The following MRPS27 variants were observed in gnomAD, a reference collection of about 807,000 sequenced individuals.
The protein encoded by MRPS27 is small ribosomal subunit protein mS27.
In MRPS27, 43 loss-of-function variants were observed where a neutral mutation model predicts 48.9. The observed-to-expected ratio is 0.88, with a 90% confidence interval of 0.69 to 1.13. The LOEUF (loss-of-function observed/expected upper bound fraction) is 1.13. Among genes scored for constraint, MRPS27 ranks in the 50% most tolerant of loss-of-function variants. The pLI is 0.00. For synonymous variants in MRPS27, 188 were observed against 171.9 expected, an observed-to-expected ratio of 1.09 and a Z score of -0.73; for missense variants, 467 against 476.3, an observed-to-expected ratio of 0.98 and a Z score of 0.18.
chr5:72,264,640 G>A (rs1490160932), intron 4 of MRPS27, among the ~76,000 whole-genome samples: 1 of 152,192 alleles, frequency 6.6e-6, no homozygotes, highest in African/African-American at 2.4e-5. Context: ...CACACAGAGG[G>A]AGAGTGCCAT....
At chr5:72,247,930 T>C (rs1305988409) in intron 4 of MRPS27, among the ~76,000 whole-genome samples, 5 of 152,200 alleles carry the variant, frequency 3.3e-5, no homozygotes, top group Non-Finnish European at 7.4e-5. Context: ...ATTTGTAGTT[T>C]AAAAAGGAAA....
At chr5:72,290,179 C>T (rs899134555) in intron 4 of MRPS27, among the ~76,000 whole-genome samples, 2 of 152,166 alleles carry the variant, frequency 1.3e-5, no homozygotes, top group African/African-American at 4.8e-5. Flanking sequence ...GGGCAGTATA[C>T]ATTGGGCATG....
intron 4 of MRPS27, among the ~76,000 whole-genome samples, chr5:72,275,371 A>G (rs547657831): frequency 6.6e-6 from 1 of 152,346 alleles, no homozygotes; most frequent in South Asian, 2.1e-4. Context: ...TGCTCAAGGA[A>G]GTAAGAGAGG....
chr5:72,297,561 T>A lies in MRPS27; in HGVS notation c.222+71A>T, dbSNP rs1750012557. ...CAAACTATTTTTTATTTACACAGCC[T>A]CATCTACATGAAGGGCCTTTCTGGC... is the stretch of plus-strand genomic sequence containing the variant. On this transcript the variant is annotated intron_variant, in intron 3 of 10. Transcript: ENST00000261413. The A allele has an allele frequency of 5.5e-6, 5 of 903,870 alleles. No individual in the cohort carries two copies. In the South Asian group the frequency reaches 7.7e-5, roughly 14 times the overall value. The allele number at this position is 903,870 out of a possible 1,614,324, so 56.0% of individuals were successfully genotyped here.
chr5:72,223,878 CA>C (rs749311608), intron 9 of MRPS27, 28 bp from the exon 10 acceptor site: 3 of 1,605,316 alleles, frequency 1.9e-6, no homozygotes, highest in South Asian at 1.1e-5. Flanking sequence ...GGTCAGCAAC[CA>C]AATGTTTTAT....
intron 4 of MRPS27, among the ~76,000 whole-genome samples, chr5:72,267,005 T>C (rs1194178671): frequency 6.6e-6 from 1 of 152,232 alleles, no homozygotes; most frequent in Non-Finnish European, 1.5e-5. Flanking sequence ...GATGGCTATC[T>C]ACAGAGCAGT....
intron 10 of MRPS27, among the ~76,000 whole-genome samples, chr5:72,221,829 T>G (rs1490368894): frequency 3.3e-5 from 5 of 152,022 alleles, no homozygotes; most frequent in Non-Finnish European, 7.4e-5. Flanking sequence ...AGGTCAGTCT[T>G]TATGTATTGC....
intron 4 of MRPS27, chr5:72,294,723 A>G (rs1749931829): frequency 6.6e-6 from 1 of 152,144 alleles, no homozygotes; most frequent in Non-Finnish European, 1.5e-5. Context: ...GGTAATGTAG[A>G]AAAGGTTTTA....
intron 4 of MRPS27, among the ~76,000 whole-genome samples, chr5:72,290,288 A>G (rs1229458570): frequency 6.6e-6 from 1 of 152,198 alleles, no homozygotes; most frequent in African/African-American, 2.4e-5. Flanking sequence ...TTCCCATTGT[A>G]TAAAACTCTA....
At chr5:72,240,364 T>G (rs1483803847) in intron 4 of MRPS27, among the ~76,000 whole-genome samples, 1 of 152,206 alleles carries the variant, frequency 6.6e-6, no homozygotes, top group Non-Finnish European at 1.5e-5. Context: ...TTTTTGGTAG[T>G]AGCAGTTGTT....
intron 4 of MRPS27, among the ~76,000 whole-genome samples, chr5:72,289,388 C>G (rs1036476121): frequency 2.6e-5 from 4 of 151,952 alleles, no homozygotes; most frequent in Non-Finnish European, 4.4e-5. Context: ...TACATGTTTG[C>G]TAAAAACTAA....
intron 2 of MRPS27, among the ~76,000 whole-genome samples, chr5:72,305,522 A>C (rs1750237903): frequency 6.6e-6 from 1 of 152,352 alleles, no homozygotes; most frequent in South Asian, 2.1e-4. Flanking sequence ...CTCCAAAAAC[A>C]AACCAACAGA....
intron 4 of MRPS27, among the ~76,000 whole-genome samples, chr5:72,284,544 T>C (rs551750644): frequency 6.6e-6 from 1 of 152,270 alleles, no homozygotes; most frequent in East Asian, 1.9e-4. Flanking sequence ...TATGTATTTT[T>C]TGAATAAGTA....
chr5:72,319,967 C>CTGT (rs1750705251), intron 1 of MRPS27, 182 bp downstream of exon 1: 1 of 644,486 alleles, frequency 1.6e-6, no homozygotes, highest in Non-Finnish European at 2.8e-6. Context: ...CAGGAACATA[C>CTGT]TGTTATTTTA....
chr5:72,243,223 G>A (rs1175721139), intron 4 of MRPS27, among the ~76,000 whole-genome samples: 1 of 152,214 alleles, frequency 6.6e-6, no homozygotes, highest in Non-Finnish European at 1.5e-5. Flanking sequence ...ATGAAGGAAA[G>A]TTAGCAACTA....
intron 4 of MRPS27, among the ~76,000 whole-genome samples, chr5:72,258,328 G>C (rs998657329): frequency 1.3e-5 from 2 of 152,102 alleles, no homozygotes; most frequent in East Asian, 3.8e-4. Context: ...TTTGTTTTTA[G>C]AGGCTTATCA....
At chr5:72,248,669 TAAA>T (rs36063387) in intron 4 of MRPS27, among the ~76,000 whole-genome samples, 2 of 70,280 alleles carry the variant, frequency 2.8e-5, no homozygotes, top group Non-Finnish European at 5.0e-5. Flanking sequence ...CATTTTCATT[TAAA>T]AAAAAAAAAA....
At chr5:72,287,453 A>T (rs1048692384) in intron 4 of MRPS27, among the ~76,000 whole-genome samples, 1 of 152,220 alleles carries the variant, frequency 6.6e-6, no homozygotes, top group Admixed American at 6.5e-5. Flanking sequence ...CGGCCTTGCC[A>T]ACATGGTGAA....
At chr5:72,291,013 G>T (rs1749803619) in intron 4 of MRPS27, among the ~76,000 whole-genome samples, 1 of 152,138 alleles carries the variant, frequency 6.6e-6, no homozygotes, top group Admixed American at 6.5e-5. Context: ...CTAGCACCCT[G>T]CCAGCGCTGG....
Sources: allele counts gnomAD v4.1 joint callset (sites outside exome capture counted in the v4.1 genomes callset), GRCh38; gene constraint gnomAD v4.1.1; transcripts MANE v1.5; gene names NCBI Gene and HGNC (gene_info 2026-07-23, HGNC 2026-07-21).